PTPRD: variants seen among roughly 807,000 people sequenced by gnomAD.
PTPRD encodes the protein protein tyrosine phosphatase receptor type D.
PTPRD carries 34 observed loss-of-function variants against 214.5 expected under a neutral mutation model. The ratio of observed to expected loss-of-function variants is 0.16; its 90% CI spans 0.12 to 0.21. The LOEUF (loss-of-function observed/expected upper bound fraction) is 0.21, where lower values mean the gene tolerates loss of function less well. Ranked by LOEUF, PTPRD falls within the 10% of genes least tolerant of loss-of-function variation. The pLI, the probability that PTPRD is intolerant of heterozygous loss-of-function variation, is 1.00. For synonymous variants in PTPRD, 1,128 were observed against 845.7 expected (o/e 1.33, Z -5.79); for missense variants, 2,545 against 2,398.7 (o/e 1.06, Z -1.27).
intron 11 of PTPRD, among the ~76,000 whole-genome samples, chr9:8,891,236 C>A (rs1052608202): frequency 6.0e-5 from 9 of 151,044 alleles, no homozygotes; most frequent in African/African-American, 2.2e-4. Context: ...CGGGTTCAGG[C>A]CATCCTCCTG....
intron 39 of PTPRD, among the ~76,000 whole-genome samples, chr9:8,353,930 GTGTGTACATATATA>G (rs2076289722): frequency 1.0e-5 from 1 of 99,104 alleles, no homozygotes; most frequent in Admixed American, 1.0e-4. Context: ...ATATATATGT[GTGTGTACATATATA>G]TATATATATA....
At chr9:9,830,874 T>G (rs918221007) in intron 5 of PTPRD, among the ~76,000 whole-genome samples, 1 of 151,646 alleles carries the variant, frequency 6.6e-6, no homozygotes, top group Non-Finnish European at 1.5e-5. Flanking sequence ...ACTTAATTAT[T>G]TTTTTTTACT....
intron 2 of PTPRD, among the ~76,000 whole-genome samples, chr9:10,527,336 A>G (rs2054619747): frequency 6.6e-6 from 1 of 152,142 alleles, no homozygotes. Context: ...AACAAATGAG[A>G]TAAGAGACTA....
At chr9:10,183,065 A>G (rs1204847392) in intron 3 of PTPRD, among the ~76,000 whole-genome samples, 1 of 152,170 alleles carries the variant, frequency 6.6e-6, no homozygotes, top group Non-Finnish European at 1.5e-5. Context: ...TAAGAATAAG[A>G]ATAATGCTAT....
At chr9:8,474,582 C>G (rs550132720) in intron 30 of PTPRD, among the ~76,000 whole-genome samples, 1 of 152,168 alleles carries the variant, frequency 6.6e-6, no homozygotes, top group Non-Finnish European at 1.5e-5. Context: ...GCCTTCAACA[C>G]GGCCTGGCAA....
At chr9:9,117,481 A>G (rs1424021160) in intron 10 of PTPRD, among the ~76,000 whole-genome samples, 1 of 152,186 alleles carries the variant, frequency 6.6e-6, no homozygotes, top group Non-Finnish European at 1.5e-5. Flanking sequence ...CAGCTATTTT[A>G]AAATCATTTT....
At chr9:9,937,247 A>C (rs898297236) in intron 5 of PTPRD, among the ~76,000 whole-genome samples, 27 of 151,580 alleles carry the variant, frequency 1.8e-4, no homozygotes, top group Admixed American at 1.3e-4. Flanking sequence ...ATAAAAAATA[A>C]AAAATAAAAA....
chr9:9,825,317 AAAG>A (rs1382211783), intron 5 of PTPRD, among the ~76,000 whole-genome samples: 8 of 151,760 alleles, frequency 5.3e-5, no homozygotes, highest in Admixed American at 2.0e-4. Context: ...GAAGAAAGAG[AAAG>A]AAAGAGAGAG....
chr9:10,401,475 G>C (rs1430825865), intron 2 of PTPRD, among the ~76,000 whole-genome samples: 1 of 150,806 alleles, frequency 6.6e-6, no homozygotes, highest in Non-Finnish European at 1.5e-5. Flanking sequence ...AAAGGTATTA[G>C]ATATGAAAAT....
At chr9:8,379,745 T>C (rs540766107) in intron 37 of PTPRD, among the ~76,000 whole-genome samples, 1 of 152,142 alleles carries the variant, frequency 6.6e-6, no homozygotes, top group Non-Finnish European at 1.5e-5. Context: ...GCAGCTCCCT[T>C]TGAGTACATA....
At chr9:9,472,189 CT>C (rs1220396472) in intron 8 of PTPRD, among the ~76,000 whole-genome samples, 19,456 of 82,838 alleles carry the variant, frequency 0.23, 1,084 homozygotes, top group Middle Eastern at 0.43. Context: ...CTACTCCAAT[CT>C]TTTTTTTTTT....
intron 39 of PTPRD, 118 bp downstream of exon 39, chr9:8,375,818 A>G: frequency 1.6e-6 from 2 of 1,218,328 alleles, no homozygotes; most frequent in Non-Finnish European, 2.2e-6. Flanking sequence ...ACCAAAAGAG[A>G]GCTGTATTAT....
chr9:9,857,370 A>T (rs1221069297), intron 5 of PTPRD, among the ~76,000 whole-genome samples: 4 of 152,200 alleles, frequency 2.6e-5, no homozygotes, highest in Admixed American at 6.5e-5. Context: ...GAGAACAACA[A>T]TTCATTGGAA....
chr9:10,115,886 T>G (rs1490393270), intron 3 of PTPRD, among the ~76,000 whole-genome samples: 1 of 152,048 alleles, frequency 6.6e-6, no homozygotes, highest in African/African-American at 2.4e-5. Context: ...ATAAATACAT[T>G]CCTAAGTAAA....
chr9:8,451,302 C>G (rs985754509), intron 33 of PTPRD, among the ~76,000 whole-genome samples: 2 of 152,076 alleles, frequency 1.3e-5, no homozygotes, highest in African/African-American at 4.8e-5. Context: ...CTTCTTTCTA[C>G]CTAAAGGTGT....
At chr9:8,951,827 C>T (rs377453331) in intron 11 of PTPRD, among the ~76,000 whole-genome samples, 20 of 152,062 alleles carry the variant, frequency 1.3e-4, no homozygotes, top group African/African-American at 4.8e-4. Flanking sequence ...CCACATTTGT[C>T]CTGCACTCTC....
chr9:8,641,329 A>G (rs2096571649), intron 12 of PTPRD, among the ~76,000 whole-genome samples: 2 of 148,480 alleles, frequency 1.3e-5, no homozygotes, highest in African/African-American at 5.3e-5. Flanking sequence ...ATATCAAGGT[A>G]TAAAGATGGG....
intron 10 of PTPRD, among the ~76,000 whole-genome samples, chr9:9,084,832 G>T (rs2154426548): frequency 6.6e-6 from 1 of 152,248 alleles, no homozygotes; most frequent in Non-Finnish European, 1.5e-5. Flanking sequence ...CATCCAAACA[G>T]ATCTCTACAT....
intron 5 of PTPRD, among the ~76,000 whole-genome samples, chr9:9,883,480 C>T (rs1022687855): frequency 1.3e-5 from 2 of 152,198 alleles, no homozygotes; most frequent in South Asian, 2.1e-4. Flanking sequence ...GTCTGGCAAT[C>T]AGGGGATACT....
Sources: gnomAD v4.1 joint callset for allele counts (sites outside exome capture counted in the v4.1 genomes callset) on GRCh38, gnomAD v4.1.1 for gene constraint, MANE v1.5 for transcripts, NCBI Gene and HGNC (gene_info 2026-07-23, HGNC 2026-07-21) for gene names.